Variants in PACSIN1 observed in about 807,000 individuals in gnomAD.
The protein encoded by PACSIN1 is protein kinase C and casein kinase substrate in neurons protein 1.
In PACSIN1, 15 loss-of-function variants were observed where a neutral mutation model predicts 59.5. The ratio of observed to expected loss-of-function variants is 0.25; its 90% confidence interval spans 0.17 to 0.39. The LOEUF (loss-of-function observed/expected upper bound fraction) is 0.39, where lower values mean the gene tolerates loss of function less well. Among genes scored for constraint, PACSIN1 ranks in the 10% least tolerant of loss-of-function variants. The probability of loss-of-function intolerance (pLI) is 1.00; values close to 1 mark genes in which losing one functional copy is unlikely to be tolerated. For missense variants in PACSIN1, 420 were observed against 580.2 expected, an observed-to-expected ratio of 0.72 and a Z score of 2.84; for synonymous variants, 210 against 220.6, an observed-to-expected ratio of 0.95 and a Z score of 0.42.
chr6:34,503,017 C>A (rs1049125671), intron 1 of PACSIN1, among the ~76,000 whole-genome samples: 2 of 152,112 alleles, frequency 1.3e-5, no homozygotes, highest in African/African-American at 4.8e-5. Flanking sequence ...AGTCTGAAGA[C>A]CCCTGGAAGG....
chr6:34,480,698 A>G (rs1279789509), intron 1 of PACSIN1, among the ~76,000 whole-genome samples: 1 of 152,158 alleles, frequency 6.6e-6, no homozygotes, highest in African/African-American at 2.4e-5. Context: ...TCTGCTCTAT[A>G]TATATCCCCA....
At chr6:34,475,306 T>TA (rs34453408) in intron 1 of PACSIN1, among the ~76,000 whole-genome samples, 50,665 of 150,228 alleles carry the variant, frequency 0.34, 8,958 homozygotes, top group East Asian at 0.61. Context: ...TTCCTAAAAT[T>TA]AAAAAAAAAA....
chr6:34,530,097 C>A lies in PACSIN1; in HGVS notation c.789-146C>A. On this transcript the variant is annotated intron_variant, in intron 6 of 9. Coordinates refer to ENST00000244458, the MANE Select transcript of PACSIN1 (RefSeq NM_020804.5). The surrounding 1 kb of genome is among the most constrained non-coding windows in gnomAD (Gnocchi z 4.4). The stretch of plus-strand genomic sequence containing the variant: ...AGGAGTCCACCGAGCATGCCCGGAG[C>A]TTATTCTTGCAAAGCCCACATGATT... 8.6e-7 allele frequency: 1 copy of A among 1,168,610 alleles called. No individual in the cohort carries two copies. Among genetic ancestry groups the A allele is most frequent in the Non-Finnish European group, 1.2e-6 (1 of 844,116 alleles). The allele number at this position is 1,168,610 out of a possible 1,614,324, so 72.4% of individuals were successfully genotyped here. A position where few individuals can be genotyped will look rare whatever the true frequency, so the allele number is the denominator to read the frequency against.
At chr6:34,483,855 G>T (rs1270516949) in intron 1 of PACSIN1, among the ~76,000 whole-genome samples, 1 of 151,818 alleles carries the variant, frequency 6.6e-6, no homozygotes, top group Non-Finnish European at 1.5e-5. Flanking sequence ...CTCCATGTTG[G>T]CCAGGCTGGT....
At chr6:34,497,514 C>T (rs1766965619) in intron 1 of PACSIN1, among the ~76,000 whole-genome samples, 1 of 152,150 alleles carries the variant, frequency 6.6e-6, no homozygotes, top group African/African-American at 2.4e-5. Flanking sequence ...AACGAGGCTC[C>T]TCGCAGGCTC....
At position 34,521,320 on chromosome 6, in the gene PACSIN1, A is replaced by G. The variant is rs1196881530; in HGVS notation, c.-63-4923A>G. ...CCAGGCCTGTGATTGGTGACCACTG[A>G]GGTAGGAATCCACACGGCGCCTTGG... On this transcript the variant is annotated intron_variant, in intron 1 of 9. Transcript: ENST00000244458. This position sits in a 1 kb window ranked among gnomAD's most constrained non-coding sequence, Gnocchi z 4.3. Among the ~76,000 whole-genome samples the G allele has an allele frequency of 6.6e-6, 1 of 152,108 alleles. No individual in the cohort carries two copies. The highest frequency in any genetic ancestry group is 1.5e-5 in the Non-Finnish European group (1 of 68,012).
At chr6:34,477,894 G>A (rs1222326313) in intron 1 of PACSIN1, among the ~76,000 whole-genome samples, 1 of 148,428 alleles carries the variant, frequency 6.7e-6, no homozygotes, top group Non-Finnish European at 1.5e-5. Flanking sequence ...GACTACAGCT[G>A]TGTGCCACCA....
intron 1 of PACSIN1, among the ~76,000 whole-genome samples, chr6:34,522,265 C>G (rs73746671): frequency 0.03 from 4,585 of 152,300 alleles, 111 homozygotes; most frequent in African/African-American, 0.074. Context: ...AAAGGCCATG[C>G]GTGCACTATT....
At chr6:34,502,112 A>ACACC (rs560374298) in intron 1 of PACSIN1, among the ~76,000 whole-genome samples, 53 of 151,200 alleles carry the variant, frequency 3.5e-4, no homozygotes, top group African/African-American at 1.2e-3. Flanking sequence ...GGTGTTTCTC[A>ACACC]CACCCACCTG....
intron 1 of PACSIN1, among the ~76,000 whole-genome samples, chr6:34,497,835 G>C (rs1766970138): frequency 2.0e-5 from 3 of 152,144 alleles, no homozygotes; most frequent in Admixed American, 2.0e-4. Flanking sequence ...ACTGGGCCCA[G>C]TGTATACCCT....
chr6:34,493,863 TA>T (rs1190671938), intron 1 of PACSIN1, among the ~76,000 whole-genome samples: 2 of 152,306 alleles, frequency 1.3e-5, no homozygotes, highest in East Asian at 3.9e-4. Context: ...GGAGCAGGGG[TA>T]AGCTTCGCTG....
intron 1 of PACSIN1, among the ~76,000 whole-genome samples, chr6:34,477,451 G>A (rs1315113662): frequency 2.6e-5 from 4 of 152,166 alleles, no homozygotes; most frequent in Non-Finnish European, 4.4e-5. Context: ...GGTGTGGCCT[G>A]TTGAGGTGCT....
At chr6:34,491,952 T>A (rs1766883898) in intron 1 of PACSIN1, among the ~76,000 whole-genome samples, 1 of 152,136 alleles carries the variant, frequency 6.6e-6, no homozygotes, top group Non-Finnish European at 1.5e-5. Context: ...TCCCTTTTTT[T>A]GCTATTGTGA....
chr6:34,525,956 G>C lies in PACSIN1; in HGVS notation c.-63-287G>C, dbSNP rs1767473893. On this transcript the variant is annotated intron_variant, in intron 1 of 9. Transcript: ENST00000244458. This position sits in a 1 kb window ranked among gnomAD's most constrained non-coding sequence, Gnocchi z 4.9. ...CTGGGCTCCAACAGTCCAGGAGAGA[G>C]AGCCAGCTCTGGGGGCTGGGGCTGG... Among the ~76,000 whole-genome samples, 1 of 152,122 alleles carries C rather than the reference G, an allele frequency of 6.6e-6. No homozygotes were observed. Among genetic ancestry groups the C allele is most frequent in the Non-Finnish European group, 1.5e-5 (1 of 68,016 alleles).
At chr6:34,523,277 G>T (rs574856235) in intron 1 of PACSIN1, among the ~76,000 whole-genome samples, 5 of 152,198 alleles carry the variant, frequency 3.3e-5, no homozygotes, top group Non-Finnish European at 5.9e-5. Flanking sequence ...CACTGTCATT[G>T]CTGTGATAGC....
At chr6:34,513,535 C>T (rs1767238406) in intron 1 of PACSIN1, among the ~76,000 whole-genome samples, 1 of 152,182 alleles carries the variant, frequency 6.6e-6, no homozygotes. Context: ...CCACCACCCA[C>T]ACTGTCCCTC....
chr6:34,492,195 C>CTTTTTTTTTTTT (rs55745060), intron 1 of PACSIN1, among the ~76,000 whole-genome samples: 1 of 80,182 alleles, frequency 1.2e-5, no homozygotes, highest in African/African-American at 4.7e-5. Flanking sequence ...CTTTTTTGAC[C>CTTTTTTTTTTTT]TTTTTTTTTT....
rs143771833 is a variant in PACSIN1, at chr6:34,472,319, A to AT, written c.-64+6054dup. Among the ~76,000 whole-genome samples the AT allele has an allele frequency of 9.8e-3, 1,465 of 150,020 alleles. 41 individuals carry two copies. The highest frequency in any genetic ancestry group is 0.075 in the East Asian group (384 of 5,090). On this transcript the variant is annotated intron_variant, in intron 1 of 9. Coordinates refer to ENST00000244458, the MANE Select transcript of PACSIN1 (RefSeq NM_020804.5). Reference sequence around the variant, plus strand: ...AGAACAATGTGTGTAGTATGATACAATTTTTAAAGTACATGTACATATGTT... The same window carrying AT: ...AGAACAATGTGTGTAGTATGATACAATTTTTTAAAGTACATGTACATATGTT...
intron 1 of PACSIN1, among the ~76,000 whole-genome samples, chr6:34,475,652 G>A (rs1289845691): frequency 6.6e-6 from 1 of 152,180 alleles, no homozygotes; most frequent in Non-Finnish European, 1.5e-5. Flanking sequence ...TGTAAGCCAA[G>A]GGCAGCTCTC....
Sources: gnomAD v4.1 joint callset for allele counts (sites outside exome capture counted in the v4.1 genomes callset) on GRCh38, gnomAD v4.1.1 for gene constraint, Gnocchi (gnomAD v3.1) non-coding constraint, MANE v1.5 for transcripts, NCBI Gene and HGNC (gene_info 2026-07-23, HGNC 2026-07-21) for gene names.